Variants in HNF4G observed in about 807,000 individuals in gnomAD.
HNF4G encodes hepatocyte nuclear factor 4 gamma.
HNF4G carries 21 observed loss-of-function variants against 50.9 expected under a neutral mutation model. The ratio of observed to expected loss-of-function variants is 0.41; its 90% CI spans 0.29 to 0.59. The LOEUF is 0.59. Among genes scored for constraint, HNF4G ranks in the 20% least tolerant of loss-of-function variants. The pLI, the probability that HNF4G is intolerant of heterozygous loss-of-function variation, is 0.26. For synonymous variants in HNF4G, 198 were observed against 185.6 expected, an observed-to-expected ratio of 1.07 and a Z score of -0.54; for missense variants, 527 against 559.4, an observed-to-expected ratio of 0.94 and a Z score of 0.58.
chr8:75,552,436 A>G (rs1006449061), intron 4 of HNF4G, among the ~76,000 whole-genome samples: 7 of 152,160 alleles, frequency 4.6e-5, no homozygotes, highest in Admixed American at 4.6e-4. Context: ...ATTTTTATAT[A>G]GTCTAAAATT....
chr8:75,421,472 G>A (rs1423724830), intron 1 of HNF4G, among the ~76,000 whole-genome samples: 3 of 152,124 alleles, frequency 2.0e-5, no homozygotes. Context: ...AGATGTATGG[G>A]AAAAATATTT....
chr8:75,429,917 C>T (rs370927589), intron 1 of HNF4G, among the ~76,000 whole-genome samples: 1 of 151,974 alleles, frequency 6.6e-6, no homozygotes, highest in Admixed American at 6.6e-5. Flanking sequence ...TTTGGGAGGC[C>T]GAGGCCAGCG....
At chr8:75,407,696 C>G (rs1332805333), upstream of HNF4G, among the ~76,000 whole-genome samples, 1 of 152,198 alleles carries the variant, frequency 6.6e-6, no homozygotes, top group East Asian at 1.9e-4. Context: ...CTAATATTCT[C>G]CCAGCATATG....
At chr8:75,490,275 A>G (rs568304796) in intron 2 of HNF4G, 1 of 152,574 alleles carries the variant, frequency 6.6e-6, no homozygotes, top group East Asian at 1.9e-4. Context: ...CACCTTGTAA[A>G]GACCTCTTTT....
At chr8:75,552,552 T>A (rs1175938355) in intron 4 of HNF4G, among the ~76,000 whole-genome samples, 1 of 152,144 alleles carries the variant, frequency 6.6e-6, no homozygotes, top group African/African-American at 2.4e-5. Context: ...GGGCTTCCTT[T>A]TAATGCAGCG....
intron 1 of HNF4G, among the ~76,000 whole-genome samples, chr8:75,421,939 C>A (rs907874973): frequency 1.3e-5 from 2 of 151,708 alleles, no homozygotes; most frequent in Non-Finnish European, 2.9e-5. Context: ...TTGTTTGTTT[C>A]TATGTGTGTG....
In HNF4G at chr8:75,481,540, T is replaced by A. The variant is rs75779333; in HGVS notation, c.-143-8549T>A. The stretch of plus-strand genomic sequence containing the variant: ...GTTCTTTGTTCTGTTAGGGTTGCTA[T>A]GTACTTGATGAGTTTCTGTCATTCC... On this transcript the variant is annotated intron_variant, in intron 1 of 10. Transcript: ENST00000354370. Among the ~76,000 whole-genome samples, 1,277 of 152,278 alleles carry A rather than the reference T, an allele frequency of 8.4e-3. 55 individuals are homozygous for A. The East Asian group carries it at 0.15, about 18-fold the overall frequency.
At chr8:75,505,314 T>C (rs1813047052) in intron 2 of HNF4G, among the ~76,000 whole-genome samples, 1 of 152,164 alleles carries the variant, frequency 6.6e-6, no homozygotes, top group Admixed American at 6.5e-5. Flanking sequence ...CTTAAGCTCC[T>C]TGCTAGCTGT....
At chr8:75,508,586 A>G (rs1805665908) in intron 2 of HNF4G, among the ~76,000 whole-genome samples, 1 of 152,210 alleles carries the variant, frequency 6.6e-6, no homozygotes, top group Non-Finnish European at 1.5e-5. Flanking sequence ...CAGCTTTAAG[A>G]CAAAAGAACT....
chr8:75,561,547 C>T (rs558242868), intron 9 of HNF4G, among the ~76,000 whole-genome samples: 1 of 152,146 alleles, frequency 6.6e-6, no homozygotes, highest in Non-Finnish European at 1.5e-5. Flanking sequence ...AGAAGATGCT[C>T]AATGACCAAT....
intron 1 of HNF4G, among the ~76,000 whole-genome samples, chr8:75,451,545 C>G (rs1811584229): frequency 1.3e-5 from 2 of 152,018 alleles, no homozygotes; most frequent in African/African-American, 4.8e-5. Flanking sequence ...GGTTAAGTTT[C>G]ATTCTTCTGC....
At chr8:75,508,232 G>T (rs990128515) in intron 2 of HNF4G, among the ~76,000 whole-genome samples, 10 of 151,984 alleles carry the variant, frequency 6.6e-5, no homozygotes, top group Non-Finnish European at 1.3e-4. Flanking sequence ...TCTACTCTCT[G>T]GCTCCAAGAA....
chr8:75,457,143 C>A (rs745487271), intron 1 of HNF4G, among the ~76,000 whole-genome samples: 4 of 152,206 alleles, frequency 2.6e-5, no homozygotes, highest in African/African-American at 4.8e-5. Flanking sequence ...TACCAAGCAT[C>A]TGAAGCATTC....
rs570063214 is a variant in HNF4G, at chr8:75,553,906, G to A, written c.645+709G>A. ...ACTTAGGAACTTGAATTTCCTAATTGTACTATAAAGATAAGTATTTTGGTT... is the reference window on the plus strand; with the variant it reads ...ACTTAGGAACTTGAATTTCCTAATTATACTATAAAGATAAGTATTTTGGTT... On this transcript the variant is annotated intron_variant, in intron 5 of 9. Transcript: ENST00000396423. 3.3e-5 allele frequency among the ~76,000 whole-genome samples: 5 copies of A among 152,016 alleles called. No homozygotes were observed. In the South Asian group the frequency reaches 1.0e-3, roughly 32 times the overall value.
chr8:75,470,030 CA>C (rs369776400), intron 1 of HNF4G, among the ~76,000 whole-genome samples: 58 of 152,258 alleles, frequency 3.8e-4, no homozygotes, highest in African/African-American at 1.3e-3. Flanking sequence ...ATACTGACGT[CA>C]AAACTCTCAC....
intron 2 of HNF4G, among the ~76,000 whole-genome samples, chr8:75,510,418 G>A (rs577952991): frequency 4.6e-5 from 7 of 152,198 alleles, no homozygotes; most frequent in Admixed American, 6.5e-5. Flanking sequence ...ATAGTGTATC[G>A]TAATGCATTC....
chr8:75,411,640 T>G, intron 1 of HNF4G, among the ~76,000 whole-genome samples: 1 of 152,178 alleles, frequency 6.6e-6, no homozygotes, highest in East Asian at 1.9e-4. Context: ...ACTTTTTTTC[T>G]TTTTGTGTGA....
chr8:75,550,995 A>C (rs1806934475), intron 3 of HNF4G, among the ~76,000 whole-genome samples: 1 of 151,986 alleles, frequency 6.6e-6, no homozygotes, highest in Non-Finnish European at 1.5e-5. Context: ...AAAATCTATG[A>C]CTCATATTTT....
chr8:75,502,322 T>C (rs1812951670), intron 2 of HNF4G, among the ~76,000 whole-genome samples: 1 of 152,222 alleles, frequency 6.6e-6, no homozygotes, highest in Non-Finnish European at 1.5e-5. Context: ...CTCATGAGGA[T>C]ACCCTGTATA....
Sources: gnomAD v4.1 joint callset for allele counts (sites outside exome capture counted in the v4.1 genomes callset) on GRCh38, gnomAD v4.1.1 for gene constraint, MANE v1.5 for transcripts, NCBI Gene and HGNC (gene_info 2026-07-23, HGNC 2026-07-21) for gene names.